The following PIWIL1 variants were observed in gnomAD, a reference collection of about 807,000 sequenced individuals.
PIWIL1 encodes the protein piwi-like protein 1.
PIWIL1 carries 73 observed loss-of-function variants against 114.4 expected under a neutral mutation model. The observed-to-expected ratio is 0.64, with a 90% CI of 0.53 to 0.78. The LOEUF (loss-of-function observed/expected upper bound fraction) is 0.78, where lower values mean the gene tolerates loss of function less well. PIWIL1 is among the 30% of genes least tolerant of loss of function. The pLI is 0.00. For synonymous variants in PIWIL1, 375 were observed against 369.0 expected (o/e 1.02, Z -0.19); for missense variants, 723 against 1,063.1 (o/e 0.68, Z 4.45).
the PIWIL1 span, among the ~76,000 whole-genome samples, chr12:130,415,251 G>A: frequency 6.6e-6 from 1 of 152,110 alleles, no homozygotes; most frequent in Non-Finnish European, 1.5e-5. Context: ...TTCAACATAT[G>A]CAAATCAATA....
rs183208788 is a variant in PIWIL1 at position 130,348,270 on chromosome 12, C to T, written c.734+87C>T. On this transcript the variant is annotated intron_variant, in intron 7 of 20. Transcript: ENST00000245255. ...ACCTAATTTGAAATGGTCAAATTTACTACAGTGACTGTTAATGCCGCCCAT... is the reference window on the plus strand; with the variant it reads ...ACCTAATTTGAAATGGTCAAATTTATTACAGTGACTGTTAATGCCGCCCAT... 3.5e-3 allele frequency: 2,459 copies of T among 706,780 alleles called. 32 individuals are homozygous for T. The highest frequency in any genetic ancestry group is 0.018 in the South Asian group (965 of 54,544). 43.8% of individuals were successfully genotyped at this position (706,780 alleles called of 1,614,324 possible).
the PIWIL1 span, among the ~76,000 whole-genome samples, chr12:130,409,332 C>CTTTTTTTTTTT: frequency 3.1e-5 from 2 of 65,402 alleles, no homozygotes; most frequent in Non-Finnish European, 5.8e-5. Context: ...CAAAATGTAG[C>CTTTTTTTTTTT]TTTTTTTTTT....
chr12:130,357,425 C>T, intron 13 of PIWIL1, 56 bp from the exon 14 acceptor site: 1 of 1,285,010 alleles, frequency 7.8e-7, no homozygotes. Flanking sequence ...GGTGTTTATG[C>T]ACGGTCCATT....
the PIWIL1 span, among the ~76,000 whole-genome samples, chr12:130,379,364 T>G: frequency 6.6e-6 from 1 of 152,204 alleles, no homozygotes; most frequent in Non-Finnish European, 1.5e-5. Context: ...CCTAAATGCT[T>G]CCTTGACAGT....
At position 130,357,515 on chromosome 12, in the gene PIWIL1, A is replaced by C. The variant is rs917997727; in HGVS notation, c.1627A>C (p.Arg543=). Residue 543 remains arginine (R), a synonymous_variant, in exon 14 of 21, where the codon AGA becomes CGA. Coordinates refer to ENST00000245255, the MANE Select transcript of PIWIL1 (RefSeq NM_004764.5). The part of the protein sequence containing the change: ...EVDDRTEAYL[R]VLQQKVTADT... Reference sequence around the variant, plus strand: ...GGATGACAGAACTGAAGCCTACTTAAGAGTCTTACAGCAAAAGGTCACAGC... The same window carrying C: ...GGATGACAGAACTGAAGCCTACTTACGAGTCTTACAGCAAAAGGTCACAGC... The C allele has an allele frequency of 1.9e-6, 3 of 1,613,454 alleles. No individual in the cohort carries two copies. The African/African-American group carries it at 4.0e-5, about 22-fold the overall frequency.
chr12:130,402,519 A>C, the PIWIL1 span, among the ~76,000 whole-genome samples: 1 of 152,028 alleles, frequency 6.6e-6, no homozygotes. Flanking sequence ...CCCCTTCAAA[A>C]GTGTACCATC....
chr12:130,374,154 T>C (rs1313048723), downstream of PIWIL1, among the ~76,000 whole-genome samples: 1 of 152,214 alleles, frequency 6.6e-6, no homozygotes, highest in Non-Finnish European at 1.5e-5. Context: ...TGAAGCATTC[T>C]ATTTAGCAAT....
At position 130,360,333 on chromosome 12, in the gene PIWIL1, A is replaced by G. The variant is rs149393069; in HGVS notation, c.1666-847A>G. 4.3e-3 allele frequency among the ~76,000 whole-genome samples: 660 copies of G among 152,292 alleles called. 9 individuals are homozygous for G. In the East Asian group the frequency reaches 0.044, roughly 10 times the overall value. Reference sequence around the variant, plus strand: ...GGAATATAAATTGGAGAACATGGCAATGAGTTACAAGCTGGATTCAGGCCA... The same window carrying G: ...GGAATATAAATTGGAGAACATGGCAGTGAGTTACAAGCTGGATTCAGGCCA... On this transcript the variant is annotated intron_variant, in intron 14 of 20. Coordinates refer to ENST00000245255, the MANE Select transcript of PIWIL1 (RefSeq NM_004764.5).
At chr12:130,353,042 C>T (rs1248584550) in intron 9 of PIWIL1, among the ~76,000 whole-genome samples, 2 of 152,200 alleles carry the variant, frequency 1.3e-5, no homozygotes, top group East Asian at 3.9e-4. Flanking sequence ...TAGTAGGTGG[C>T]CAGGACCTTG....
intron 1 of PIWIL1, chr12:130,339,638 G>A (rs541523443): frequency 9.8e-5 from 15 of 152,342 alleles, no homozygotes; most frequent in African/African-American, 3.4e-4. Context: ...AAACTGGAAG[G>A]AGATAAAGCT....
At chr12:130,414,621 A>G in the PIWIL1 span, 2 of 233,916 alleles carry the variant, frequency 8.6e-6, no homozygotes, top group Admixed American at 1.0e-4. Context: ...AGGATGGCCC[A>G]TGCTGGGGAG....
rs1448564515 is a variant in PIWIL1, at chr12:130,371,541, C to T, written c.2529C>T (p.Gly843=). 8 of 1,614,002 alleles carry T rather than the reference C, an allele frequency of 5.0e-6. No individual in the cohort carries two copies. Among genetic ancestry groups the T allele is most frequent in the African/African-American group, 1.3e-5 (1 of 74,914 alleles). ...QYAHKLAFLV[G]QSIHREPNLS... is the part of the protein sequence containing the mutation. ...CCCACAAGCTGGCTTTTCTTGTTGGCCAGAGTATTCACAGAGAGCCAAATC... is the reference window on the plus strand; with the variant it reads ...CCCACAAGCTGGCTTTTCTTGTTGGTCAGAGTATTCACAGAGAGCCAAATC... Residue 843 remains glycine (G), a synonymous_variant, in exon 21 of 21, where the codon GGC becomes GGT. Transcript: ENST00000245255.
chr12:130,341,447 C>T (rs1593080613), intron 1 of PIWIL1, among the ~76,000 whole-genome samples: 1 of 152,252 alleles, frequency 6.6e-6, no homozygotes, highest in South Asian at 2.1e-4. Flanking sequence ...GATCTAACTA[C>T]TTCATATGAA....
At chr12:130,349,180 T>C (rs1174968381) in intron 7 of PIWIL1, 59 bp from the exon 8 acceptor site, 4 of 1,250,428 alleles carry the variant, frequency 3.2e-6, no homozygotes, top group Non-Finnish European at 4.7e-6. Context: ...CGCAACTTAG[T>C]GTGTGCAGAA....
chr12:130,366,979 G>GAGT (rs1238156038), intron 18 of PIWIL1, among the ~76,000 whole-genome samples, 154 bp from the exon 19 acceptor site: 2 of 152,200 alleles, frequency 1.3e-5, no homozygotes, highest in Admixed American at 6.6e-5. Context: ...CTCCTGTCAA[G>GAGT]AGTAAGATCC....
At chr12:130,418,047 C>G in the PIWIL1 span, among the ~76,000 whole-genome samples, 1 of 152,134 alleles carries the variant, frequency 6.6e-6, no homozygotes, top group Non-Finnish European at 1.5e-5. Context: ...CGAGATGACA[C>G]AGGTATGCAG....
At chr12:130,407,637 G>T in the PIWIL1 span, 1 of 998,638 alleles carries the variant, frequency 1.0e-6, no homozygotes. Context: ...GAATGAGGAG[G>T]TGAACACACG....
At chr12:130,421,689 A>ATGTGTGTGTGTGTGTGTG in the PIWIL1 span, among the ~76,000 whole-genome samples, 122 of 106,994 alleles carry the variant, frequency 1.1e-3, 1 homozygote, top group Non-Finnish European at 1.6e-3. Context: ...CCCTGCATTT[A>ATGTGTGTGTGTGTGTGTG]TATGTGTGTG....
At chr12:130,412,902 A>AT in the PIWIL1 span, 1 of 1,017,456 alleles carries the variant, frequency 9.8e-7, no homozygotes, top group Non-Finnish European at 1.4e-6. Flanking sequence ...ATAGTTTAAA[A>AT]ATACCATAAA....
Sources: allele counts gnomAD v4.1 joint callset (sites outside exome capture counted in the v4.1 genomes callset), GRCh38; gene constraint gnomAD v4.1.1; transcripts MANE v1.5; gene names NCBI Gene and HGNC (gene_info 2026-07-23, HGNC 2026-07-21).